DNAH9: variants seen among roughly 807,000 people sequenced by gnomAD.
The protein encoded by DNAH9 is DNAH9 variant protein.
A neutral mutation model predicts 471.6 loss-of-function variants in DNAH9; 345 were observed. The ratio of observed to expected loss-of-function variants is 0.73; its 90% CI spans 0.67 to 0.80. The LOEUF (loss-of-function observed/expected upper bound fraction) is 0.80. Among genes scored for constraint, DNAH9 ranks in the 30% least tolerant of loss-of-function variants. The pLI, the probability that DNAH9 is intolerant of heterozygous loss-of-function variation, is 0.00. For missense variants in DNAH9, 5,407 were observed against 5,609.2 expected (o/e 0.96, Z 1.15); for synonymous variants, 2,093 against 2,123.6 (o/e 0.99, Z 0.40).
At chr17:11,694,649 G>GCTTTCTCA (rs2074404873) in intron 22 of DNAH9, among the ~76,000 whole-genome samples, 1 of 6,576 alleles carries the variant, frequency 1.5e-4, no homozygotes, top group African/African-American at 3.1e-4. Context: ...TTGCTTTCTC[G>GCTTTCTCA]CTTTCTCGCT....
intron 59 of DNAH9, among the ~76,000 whole-genome samples, chr17:11,898,397 A>C (rs1342374768): frequency 1.3e-5 from 2 of 152,154 alleles, no homozygotes; most frequent in Non-Finnish European, 2.9e-5. Flanking sequence ...CTGGGATTAC[A>C]GGCGTGAGCC....
intron 44 of DNAH9, 53 bp from the exon 45 acceptor site, chr17:11,810,193 T>G (rs937017460): frequency 7.7e-6 from 12 of 1,558,116 alleles, no homozygotes; most frequent in Non-Finnish European, 1.0e-5. Flanking sequence ...GTTGGAGTTC[T>G]CTTTCAAGGA....
intron 67 of DNAH9, among the ~76,000 whole-genome samples, chr17:11,952,728 AT>A (rs113968592): frequency 1.1e-3 from 170 of 151,242 alleles, no homozygotes; most frequent in Non-Finnish European, 2.0e-3. Flanking sequence ...CTTAAAGGCC[AT>A]TTTTTTTTCC....
At chr17:11,652,280 CTTTTTTTTTTTTTT>C (rs11450398) in intron 13 of DNAH9, among the ~76,000 whole-genome samples, 1 of 79,148 alleles carries the variant, frequency 1.3e-5, no homozygotes, top group African/African-American at 5.2e-5. Context: ...TAAGGGTAGG[CTTTTTTTTTTTTTT>C]TTTTTTTTTG....
rs766812583 is a variant in DNAH9, at chr17:11,942,425, G to A, written c.12783G>A (p.Arg4261=). 8.1e-6 allele frequency: 13 copies of A among 1,614,184 alleles called. No individual in the cohort carries two copies. Among genetic ancestry groups the A allele is most frequent in the Non-Finnish European group, 1.1e-5 (13 of 1,180,052 alleles). The change falls in exon 67 of 69, where the codon CGG becomes CGA. Residue 4261 remains arginine, a synonymous_variant. Transcript: ENST00000262442. ...YIVVAFQECG[R]MNILTREIQR... is the part of the protein sequence containing the mutation. ...TAGTTGCCTTCCAGGAGTGTGGCCGGATGAATATCCTCACCAGAGAGATTC... is the reference window on the plus strand; with the variant it reads ...TAGTTGCCTTCCAGGAGTGTGGCCGAATGAATATCCTCACCAGAGAGATTC...
rs1342424169 is a variant in DNAH9, at chr17:11,834,666, C to G, written c.9275C>G (p.Ala3092Gly). 3.1e-6 allele frequency: 5 copies of G among 1,613,932 alleles called. No homozygotes were observed. The highest frequency in any genetic ancestry group is 1.3e-5 in the African/African-American group (1 of 74,900). Residue 3092 changes from alanine (A) to glycine (G), a missense_variant, in exon 49 of 69, where the codon GCC becomes GGC. Physicochemically the swap from Ala to Gly is moderately conservative, Grantham distance 60. Coordinates refer to ENST00000262442, the MANE Select transcript of DNAH9 (RefSeq NM_001372.4). ...QVDDLKAKLAAQEVELKQKNE... is the reference protein window; with the variant it reads ...QVDDLKAKLAGQEVELKQKNE... Reference sequence around the variant, plus strand: ...GATGATCTGAAAGCAAAGCTGGCTGCCCAGGAAGTAGAGCTGAAGCAGAAA... The same window carrying G: ...GATGATCTGAAAGCAAAGCTGGCTGGCCAGGAAGTAGAGCTGAAGCAGAAA...
At chr17:11,762,776 T>TTTGTTTTTTTTG (rs756784647) in intron 35 of DNAH9, among the ~76,000 whole-genome samples, 4 of 116,602 alleles carry the variant, frequency 3.4e-5, no homozygotes, top group African/African-American at 1.5e-4. Context: ...TTTTGTTTTT[T>TTTGTTTTTTTTG]TTTTTTTTTT....
Position 11,691,917 on chromosome 17 carries a change from C to T in DNAH9, c.4614+1481C>T, listed in dbSNP as rs146506453. 7.1e-3 allele frequency among the ~76,000 whole-genome samples: 1,079 copies of T among 152,254 alleles called. 11 individuals carry two copies. Among genetic ancestry groups the T allele is most frequent in the African/African-American group, 0.024 (993 of 41,548 alleles). ...CTCCTGGGTTCAAGTGATCCTCCTGCCTCAGCCTCCTGAGTAGCTGGGATT... is the reference window on the plus strand; with the variant it reads ...CTCCTGGGTTCAAGTGATCCTCCTGTCTCAGCCTCCTGAGTAGCTGGGATT... On this transcript the variant is annotated intron_variant, in intron 20 of 68. Transcript: ENST00000262442.
chr17:11,749,619 A>G (rs1466062102), intron 32 of DNAH9, among the ~76,000 whole-genome samples: 1 of 151,624 alleles, frequency 6.6e-6, no homozygotes, highest in Non-Finnish European at 1.5e-5. Flanking sequence ...TTACATTAAC[A>G]TTTTTTATCC....
intron 45 of DNAH9, among the ~76,000 whole-genome samples, chr17:11,817,739 G>A (rs1445384422): frequency 1.3e-5 from 2 of 152,280 alleles, no homozygotes; most frequent in African/African-American, 2.4e-5. Flanking sequence ...GCTGAAATGA[G>A]TCATTCTATT....
intron 26 of DNAH9, among the ~76,000 whole-genome samples, chr17:11,715,254 T>C (rs533867805): frequency 6.6e-6 from 1 of 152,326 alleles, no homozygotes; most frequent in Non-Finnish European, 1.5e-5. Flanking sequence ...TCAAAGTCTG[T>C]CGGTTTCCTA....
intron 61 of DNAH9, among the ~76,000 whole-genome samples, chr17:11,911,085 T>C (rs758230316): frequency 1.3e-5 from 2 of 152,256 alleles, no homozygotes; most frequent in Non-Finnish European, 2.9e-5. Context: ...ACTTGTATTT[T>C]AATACTATAT....
chr17:11,602,443 A>G (rs1161264764), intron 1 of DNAH9, among the ~76,000 whole-genome samples: 2 of 152,024 alleles, frequency 1.3e-5, no homozygotes, highest in Non-Finnish European at 2.9e-5. Flanking sequence ...CGTTTCCCCT[A>G]CAGCCTTCTC....
At chr17:11,826,455 G>GTTTTTTTTTTTTTTTTTTTTTT (rs36037678) in intron 48 of DNAH9, among the ~76,000 whole-genome samples, 1 of 78,970 alleles carries the variant, frequency 1.3e-5, no homozygotes, top group Non-Finnish European at 2.3e-5. Context: ...CTTTTTCTTG[G>GTTTTTTTTTTTTTTTTTTTTTT]TTTTTTTTTT....
chr17:11,612,648 G>A (rs1333322934), intron 4 of DNAH9: 5 of 152,190 alleles, frequency 3.3e-5, no homozygotes, highest in African/African-American at 1.2e-4. Flanking sequence ...AGCCAGCAAA[G>A]TCTATGATTA....
chr17:11,642,906 A>T (rs886689280), intron 10 of DNAH9, among the ~76,000 whole-genome samples: 2 of 152,240 alleles, frequency 1.3e-5, no homozygotes, highest in African/African-American at 4.8e-5. Context: ...TCAGGGGGAA[A>T]AAAAAACGCC....
rs200967027 is a variant in DNAH9 at position 11,669,301 on chromosome 17, G to T, written c.2928+41G>T. 3 of 1,596,262 alleles carry T rather than the reference G, an allele frequency of 1.9e-6. No homozygotes were observed. The East Asian group carries it at 6.7e-5, about 36-fold the overall frequency. On this transcript the variant is annotated intron_variant, in intron 16 of 68. Coordinates refer to ENST00000262442, the MANE Select transcript of DNAH9 (RefSeq NM_001372.4). ...CCATCCTGCCCTCCAACTGTGTCCC[G>T]TCCAGCCGAATCTCGAACTTCCTGC...
In DNAH9 at chr17:11,623,076, C is replaced by T. The variant is rs1043347233; in HGVS notation, c.1350+3295C>T. Among the ~76,000 whole-genome samples the T allele has an allele frequency of 4.7e-5, 7 of 150,406 alleles. No individual in the cohort carries two copies. The highest frequency in any genetic ancestry group is 7.3e-5 in the African/African-American group (3 of 40,882). ...ACAACCTCTGCCTCCTGGGTTCAAG[C>T]GATTCTCCTGCCTCAGCCTCCCAAG... On this transcript the variant is annotated intron_variant, in intron 6 of 68. Coordinates refer to ENST00000262442, the MANE Select transcript of DNAH9 (RefSeq NM_001372.4). The surrounding 1 kb of genome is among the most constrained non-coding windows in gnomAD (Gnocchi z 4.1).
intron 41 of DNAH9, among the ~76,000 whole-genome samples, chr17:11,787,756 C>A (rs1306714760): frequency 6.6e-6 from 1 of 152,118 alleles, no homozygotes; most frequent in South Asian, 2.1e-4. Flanking sequence ...ACCATGGGGG[C>A]AGTTTTTCCC....
Sources: gnomAD v4.1 joint callset for allele counts (sites outside exome capture counted in the v4.1 genomes callset) on GRCh38, gnomAD v4.1.1 for gene constraint, Gnocchi (gnomAD v3.1) non-coding constraint, MANE v1.5 for transcripts, NCBI Gene and HGNC (gene_info 2026-07-23, HGNC 2026-07-21) for gene names.